Variants in INVS observed in about 807,000 individuals in gnomAD.
INVS encodes the protein inversin.
In INVS, 86 loss-of-function variants were observed where a neutral mutation model predicts 108.8. The ratio of observed to expected loss-of-function variants is 0.79; its 90% confidence interval spans 0.66 to 0.95. INVS has a LOEUF of 0.95. Among genes scored for constraint, INVS ranks in the 40% least tolerant of loss-of-function variants. The probability of loss-of-function intolerance (pLI) is 0.00; values close to 1 mark genes in which losing one functional copy is unlikely to be tolerated. For synonymous variants in INVS, 455 were observed against 473.5 expected, an observed-to-expected ratio of 0.96 and a Z score of 0.51; for missense variants, 1,169 against 1,297.4, an observed-to-expected ratio of 0.90 and a Z score of 1.52.
intron 1 of INVS, among the ~76,000 whole-genome samples, chr9:100,100,934 TATAA>T (rs1826934969): frequency 2.3e-5 from 1 of 44,366 alleles, no homozygotes; most frequent in Non-Finnish European, 3.5e-5. Flanking sequence ...ATATAATATA[TATAA>T]TATATATACA....
At position 100,242,698 on chromosome 9, in the gene INVS, T is replaced by C; in HGVS notation, c.906+19T>C. 7.4e-7 allele frequency: 1 copy of C among 1,352,064 alleles called. No homozygotes were observed. Among genetic ancestry groups the C allele is most frequent in the Non-Finnish European group, 1.1e-6 (1 of 941,284 alleles). The allele number at this position is 1,352,064 out of a possible 1,614,324, so 83.8% of individuals were successfully genotyped here. A position where few individuals can be genotyped will look rare whatever the true frequency, so the allele number is the denominator to read the frequency against. On this transcript the variant is annotated intron_variant, in intron 7 of 16. Transcript: ENST00000262457. Reference sequence around the variant, plus strand: ...CTTTGCTGTAAGTAAAACAAGACAATGCTCTTTTTTCTTAGTGAAAATTGT... The same window carrying C: ...CTTTGCTGTAAGTAAAACAAGACAACGCTCTTTTTTCTTAGTGAAAATTGT...
At chr9:100,216,377 C>G (rs1331393336) in intron 3 of INVS, among the ~76,000 whole-genome samples, 1 of 152,174 alleles carries the variant, frequency 6.6e-6, no homozygotes, top group South Asian at 2.1e-4. Context: ...GCTACTGCCC[C>G]CTACTGGACA....
chr9:100,230,402 A>G (rs1831470123), intron 5 of INVS, among the ~76,000 whole-genome samples: 1 of 152,132 alleles, frequency 6.6e-6, no homozygotes, highest in African/African-American at 2.4e-5. Context: ...TATATTGCTC[A>G]GTATTTAAAG....
chr9:100,260,186 C>CTTTTTTTTTTTTT (rs372496395), intron 10 of INVS, among the ~76,000 whole-genome samples: 1 of 101,494 alleles, frequency 9.9e-6, no homozygotes, highest in Non-Finnish European at 2.0e-5. Flanking sequence ...ATTTTCTTTT[C>CTTTTTTTTTTTTT]TTTTTTTTTT....
chr9:100,257,690 G>A (rs925284257), intron 10 of INVS, among the ~76,000 whole-genome samples: 1 of 152,146 alleles, frequency 6.6e-6, no homozygotes, highest in African/African-American at 2.4e-5. Context: ...TGGATATGAA[G>A]TTCTGGTTTG....
intron 12 of INVS, among the ~76,000 whole-genome samples, chr9:100,280,589 C>T (rs1833245352): frequency 2.0e-5 from 3 of 151,930 alleles, no homozygotes; most frequent in Admixed American, 2.0e-4. Context: ...CTTGCTGTGT[C>T]ATAGAACTTT....
chr9:100,196,578 C>T (rs1830381363), intron 3 of INVS, among the ~76,000 whole-genome samples: 1 of 151,746 alleles, frequency 6.6e-6, no homozygotes, highest in Non-Finnish European at 1.5e-5. Context: ...CTGAGGGGGG[C>T]CCAGCAGGTC....
In INVS at chr9:100,300,723, A is replaced by G. The variant is rs774114648; in HGVS notation, c.*49A>G. The G allele has an allele frequency of 3.1e-6, 4 of 1,301,504 alleles. No individual in the cohort carries two copies. The South Asian group carries it at 4.8e-5, about 15-fold the overall frequency. The allele number at this position is 1,301,504 out of a possible 1,614,324, so 80.6% of individuals were successfully genotyped here. A position where few individuals can be genotyped will look rare whatever the true frequency, so the allele number is the denominator to read the frequency against. On this transcript the variant is annotated 3_prime_UTR_variant, in exon 17 of 17. Transcript: ENST00000262457. ...TCGGGGGAGCTGGCATAGCTAGTGC[A>G]GAGTTCAGATTTTCTGCTGATAATC...
intron 3 of INVS, among the ~76,000 whole-genome samples, chr9:100,168,963 A>G (rs1301801196): frequency 1.3e-5 from 2 of 152,208 alleles, no homozygotes; most frequent in Non-Finnish European, 2.9e-5. Context: ...GAAAAATGAA[A>G]CTTTATGAGA....
At chr9:100,182,361 A>C (rs145077091) in intron 3 of INVS, among the ~76,000 whole-genome samples, 298 of 152,338 alleles carry the variant, frequency 2.0e-3, no homozygotes, top group Non-Finnish European at 3.7e-3. Flanking sequence ...TTTGCAATCT[A>C]TCCATCTGAC....
At chr9:100,271,039 A>G (rs1008054167) in intron 11 of INVS, among the ~76,000 whole-genome samples, 1 of 152,178 alleles carries the variant, frequency 6.6e-6, no homozygotes, top group Non-Finnish European at 1.5e-5. Flanking sequence ...TAAATAATGT[A>G]TTTATCAAAA....
At chr9:100,277,491 T>C (rs1466934098) in intron 12 of INVS, among the ~76,000 whole-genome samples, 1 of 152,188 alleles carries the variant, frequency 6.6e-6, no homozygotes, top group East Asian at 1.9e-4. Flanking sequence ...GTTTTCTTAA[T>C]TCAAGATGGG....
chr9:100,176,122 C>T (rs1829704604), intron 3 of INVS: 1 of 447,080 alleles, frequency 2.2e-6, no homozygotes, highest in Non-Finnish European at 4.3e-6. Context: ...CTCTCCCCTC[C>T]TGCCTCCCTC....
chr9:100,154,539 G>A (rs1323715009), intron 3 of INVS, among the ~76,000 whole-genome samples: 4 of 151,604 alleles, frequency 2.6e-5, no homozygotes, highest in East Asian at 3.9e-4. Context: ...GGAATGCTAT[G>A]CATCTGTAAG....
At chr9:100,161,374 A>AC (rs1207117824) in intron 3 of INVS, among the ~76,000 whole-genome samples, 11 of 149,946 alleles carry the variant, frequency 7.3e-5, no homozygotes, top group Admixed American at 2.6e-4. Flanking sequence ...CAAAAAAAAA[A>AC]AAAAAAAAAA....
intron 13 of INVS, among the ~76,000 whole-genome samples, chr9:100,289,567 T>C (rs1833549022): frequency 6.6e-6 from 1 of 152,242 alleles, no homozygotes; most frequent in African/African-American, 2.4e-5. Context: ...ATGAGGTTGA[T>C]AGAATTTGCA....
At chr9:100,189,106 CTTTTTT>C (rs60762136) in intron 3 of INVS, among the ~76,000 whole-genome samples, 2 of 69,564 alleles carry the variant, frequency 2.9e-5, no homozygotes, top group Admixed American at 1.5e-4. Context: ...TTTGCATCTT[CTTTTTT>C]TTTTTTTTTT....
chr9:100,216,686 T>C (rs1830997926), intron 3 of INVS, among the ~76,000 whole-genome samples: 1 of 152,354 alleles, frequency 6.6e-6, no homozygotes, highest in Middle Eastern at 3.4e-3. Context: ...AAAATCTTCA[T>C]TGTTCTCTCC....
chr9:100,170,575 TAAAATA>T (rs1306903177), intron 3 of INVS, among the ~76,000 whole-genome samples: 1 of 149,946 alleles, frequency 6.7e-6, no homozygotes, highest in African/African-American at 2.5e-5. Context: ...AAAAAAAAAA[TAAAATA>T]AAAAAGGAAA....
Sources: gnomAD v4.1 joint callset for allele counts (sites outside exome capture counted in the v4.1 genomes callset) on GRCh38, gnomAD v4.1.1 for gene constraint, MANE v1.5 for transcripts, NCBI Gene and HGNC (gene_info 2026-07-23, HGNC 2026-07-21) for gene names.